Variants in IFT43 observed in about 807,000 individuals in gnomAD.
The protein encoded by IFT43 is intraflagellar transport 43.
A neutral mutation model predicts 32.3 loss-of-function variants in IFT43; 33 were observed. That is an observed-to-expected ratio of 1.02 (90% confidence interval 0.77 to 1.37). IFT43 has a LOEUF of 1.37. Among genes scored for constraint, IFT43 ranks in the 40% most tolerant of loss-of-function variants. The pLI is 0.00. For synonymous variants in IFT43, 93 were observed against 98.2 expected (o/e 0.95, Z 0.31); for missense variants, 274 against 265.9 (o/e 1.03, Z -0.21).
At chr14:76,066,731 G>C (rs1346865614) in intron 5 of IFT43, among the ~76,000 whole-genome samples, 1 of 152,204 alleles carries the variant, frequency 6.6e-6, no homozygotes, top group Non-Finnish European at 1.5e-5. Flanking sequence ...CTTTGAGGTG[G>C]TCTGTGCAAG....
At chr14:76,058,724 C>T in intron 4 of IFT43, 50 bp downstream of exon 4, 1 of 1,609,756 alleles carries the variant, frequency 6.2e-7, no homozygotes, top group Non-Finnish European at 8.5e-7. Flanking sequence ...TGATCTTGGT[C>T]AACAGTGCAG....
intron 2 of IFT43, among the ~76,000 whole-genome samples, chr14:76,017,678 C>G (rs2036214435): frequency 6.6e-6 from 1 of 152,038 alleles, no homozygotes; most frequent in South Asian, 2.1e-4. Flanking sequence ...GCTATCTAGT[C>G]TTGGGCTTTT....
chr14:76,033,756 C>T (rs899812840), intron 3 of IFT43, among the ~76,000 whole-genome samples: 8 of 152,130 alleles, frequency 5.3e-5, no homozygotes, highest in Non-Finnish European at 1.0e-4. Flanking sequence ...ACTTCCTGTC[C>T]CGCAAGAGCT....
chr14:76,065,637 G>T (rs1366414287), intron 5 of IFT43, among the ~76,000 whole-genome samples: 2 of 151,614 alleles, frequency 1.3e-5, no homozygotes, highest in African/African-American at 4.9e-5. Flanking sequence ...TTCACTCAGT[G>T]TAATGATTTT....
chr14:75,991,171 T>C (rs2139866734), intron 2 of IFT43, among the ~76,000 whole-genome samples: 1 of 151,822 alleles, frequency 6.6e-6, no homozygotes, highest in East Asian at 1.9e-4. Flanking sequence ...CTTTGCAAAA[T>C]ATTTAAAAAT....
intron 2 of IFT43, among the ~76,000 whole-genome samples, 175 bp downstream of exon 2, chr14:75,989,152 C>G (rs1276848715): frequency 6.6e-6 from 1 of 152,164 alleles, no homozygotes; most frequent in Non-Finnish European, 1.5e-5. Flanking sequence ...AATGGAAGAA[C>G]TTTTTTTCCT....
At chr14:76,037,200 A>G (rs891783723) in intron 3 of IFT43, among the ~76,000 whole-genome samples, 4 of 152,090 alleles carry the variant, frequency 2.6e-5, no homozygotes, top group Admixed American at 2.0e-4. Flanking sequence ...TGGGAGTTCC[A>G]TTTAGGCCCA....
chr14:76,057,743 A>G (rs1433551270), intron 3 of IFT43, among the ~76,000 whole-genome samples: 1 of 152,116 alleles, frequency 6.6e-6, no homozygotes, highest in Non-Finnish European at 1.5e-5. Flanking sequence ...CTTGCTCATC[A>G]TGGTGCTAGA....
chr14:76,039,286 G>A (rs969963694), intron 3 of IFT43, among the ~76,000 whole-genome samples: 13 of 152,088 alleles, frequency 8.5e-5, no homozygotes, highest in African/African-American at 1.9e-4. Flanking sequence ...GTACTCCTGC[G>A]TAGTTGAGAC....
chr14:76,042,104 G>A lies in IFT43; in HGVS notation c.216-16538G>A, dbSNP rs533137617. On this transcript the variant is annotated intron_variant, in intron 3 of 8. Coordinates refer to ENST00000314067, the MANE Select transcript of IFT43 (RefSeq NM_001102564.3). ...TGTCCAGTCCTTGTGTTGTATGGAC[G>A]AGGACACACACACACACACACACGT... Among the ~76,000 whole-genome samples, 45 of 133,028 alleles carry A rather than the reference G, an allele frequency of 3.4e-4. 1 individual carries two copies. In the South Asian group the frequency reaches 9.0e-3, roughly 27 times the overall value. The allele number at this position is 133,028 out of a possible 152,430, so 87.3% of individuals were successfully genotyped here. A position where few individuals can be genotyped will look rare whatever the true frequency, so the allele number is the denominator to read the frequency against.
chr14:76,022,790 A>G (rs2036319259), intron 3 of IFT43, among the ~76,000 whole-genome samples: 2 of 152,274 alleles, frequency 1.3e-5, no homozygotes, highest in East Asian at 1.9e-4. Flanking sequence ...ACTTGTCATA[A>G]TGTTTTCAAA....
intron 3 of IFT43, among the ~76,000 whole-genome samples, chr14:76,050,827 A>T (rs1295259182): frequency 6.6e-6 from 1 of 151,950 alleles, no homozygotes; most frequent in East Asian, 1.9e-4. Flanking sequence ...GAGGGCTAAA[A>T]CCTCTAGAGT....
chr14:76,031,107 T>A (rs968390946), intron 3 of IFT43, among the ~76,000 whole-genome samples: 2 of 149,424 alleles, frequency 1.3e-5, no homozygotes, highest in Non-Finnish European at 1.5e-5. Flanking sequence ...TATATAAGTT[T>A]TTATATTTCT....
chr14:76,083,920 AG>A (rs2037562608), downstream of IFT43: 1 of 480,792 alleles, frequency 2.1e-6, no homozygotes, highest in Non-Finnish European at 4.1e-6. Flanking sequence ...ACTTCTCGGG[AG>A]GTTTCAAACA....
intron 1 of IFT43, chr14:75,986,254 A>T: frequency 7.8e-7 from 1 of 1,289,430 alleles, no homozygotes; most frequent in Non-Finnish European, 1.0e-6. Context: ...TTCCTGCAAA[A>T]GCCGCACTGT....
chr14:75,986,403 C>A, intron 1 of IFT43: 3 of 575,918 alleles, frequency 5.2e-6, no homozygotes, highest in South Asian at 2.8e-5. Context: ...ATTAGGTGCT[C>A]AGGCACTGAG....
chr14:76,072,389 G>A (rs752199876), intron 5 of IFT43, among the ~76,000 whole-genome samples: 10 of 152,170 alleles, frequency 6.6e-5, no homozygotes, highest in Non-Finnish European at 1.0e-4. Context: ...GCATTGGCAG[G>A]GCTAGGCCAG....
intron 2 of IFT43, among the ~76,000 whole-genome samples, chr14:75,999,501 TA>T (rs1229811797): frequency 6.6e-6 from 1 of 151,846 alleles, no homozygotes; most frequent in African/African-American, 2.4e-5. Flanking sequence ...ATCCTACATT[TA>T]ATATACACTT....
intron 2 of IFT43, among the ~76,000 whole-genome samples, chr14:76,003,472 A>G (rs957332144): frequency 2.0e-5 from 3 of 151,986 alleles, no homozygotes; most frequent in Non-Finnish European, 4.4e-5. Context: ...CTAAAAATAC[A>G]AAAATTAGCT....
Sources: allele counts gnomAD v4.1 joint callset (sites outside exome capture counted in the v4.1 genomes callset), GRCh38; gene constraint gnomAD v4.1.1; transcripts MANE v1.5; gene names NCBI Gene and HGNC (gene_info 2026-07-23, HGNC 2026-07-21).